Variants in GAPVD1 observed in about 807,000 individuals in gnomAD.
GAPVD1 encodes GTPase activating protein and VPS9 domains 1, also known as GTPase-activating protein and VPS9 domain-containing protein 1.
GAPVD1 carries 35 observed loss-of-function variants against 155.5 expected under a neutral mutation model. That is an observed-to-expected ratio of 0.23 (90% CI 0.17 to 0.30). The LOEUF (loss-of-function observed/expected upper bound fraction) is 0.30, where lower values mean the gene tolerates loss of function less well. Ranked by LOEUF, GAPVD1 falls within the 10% of genes least tolerant of loss-of-function variation. The probability of loss-of-function intolerance (pLI) is 1.00; values close to 1 mark genes in which losing one functional copy is unlikely to be tolerated. For missense variants in GAPVD1, 1,429 were observed against 1,775.7 expected (o/e 0.80, Z 3.51); for synonymous variants, 636 against 619.7 (o/e 1.03, Z -0.39).
intron 2 of GAPVD1, among the ~76,000 whole-genome samples, chr9:125,276,606 T>C (rs1047739028): frequency 6.6e-6 from 1 of 152,106 alleles, no homozygotes; most frequent in Non-Finnish European, 1.5e-5. Flanking sequence ...GGAGGATTGC[T>C]TGAGCCTGGG....
rs1851426096 is a variant in GAPVD1, at chr9:125,365,517, C to T, written c.*2771C>T. 1 of 151,974 alleles carries T rather than the reference C, an allele frequency of 6.6e-6. No homozygotes were observed. Among genetic ancestry groups the T allele is most frequent in the African/African-American group, 2.4e-5 (1 of 41,360 alleles). The allele number at this position is 151,974 out of a possible 1,614,324, so 9.4% of individuals were successfully genotyped here. ...ATGGAGAGAGAGTTGGCTCAGGTCCCCTGAAATCTTGTAGGATTAACTTCT... is the reference window on the plus strand; with the variant it reads ...ATGGAGAGAGAGTTGGCTCAGGTCCTCTGAAATCTTGTAGGATTAACTTCT... On this transcript the variant is annotated 3_prime_UTR_variant, in exon 28 of 28. Transcript: ENST00000297933.
intron 2 of GAPVD1, among the ~76,000 whole-genome samples, chr9:125,289,637 T>C (rs1271971735): frequency 3.3e-5 from 5 of 152,022 alleles, no homozygotes; most frequent in Admixed American, 3.3e-4. Flanking sequence ...TAGGGGAAGA[T>C]GAGGTCAGTT....
chr9:125,350,827 A>G lies in GAPVD1; in HGVS notation c.3524A>G (p.Asn1175Ser), dbSNP rs762515695. Reference sequence around the variant, plus strand: ...ATGCGCTGTGTGTGCCGTTTTGATAATAGGACTTGTAGGAAACTGCTGGCT... The same window carrying G: ...ATGCGCTGTGTGTGCCGTTTTGATAGTAGGACTTGTAGGAAACTGCTGGCT... ...ETMRCVCRFDNRTCRKLLASI... is the reference protein window; with the variant it reads ...ETMRCVCRFDSRTCRKLLASI... The change falls in exon 23 of 28, where the codon AAT (asparagine) becomes AGT (serine). Residue 1175 changes from asparagine to serine, a missense_variant. Physicochemically the swap from Asn to Ser is conservative, Grantham distance 46 (BLOSUM62 1). Transcript: ENST00000297933. The G allele has an allele frequency of 1.9e-6, 3 of 1,614,014 alleles. No individual in the cohort carries two copies. The highest frequency in any genetic ancestry group is 2.5e-6 in the Non-Finnish European group (3 of 1,179,864).
intron 19 of GAPVD1, 41 bp downstream of exon 19, chr9:125,342,340 A>G (rs1366960784): frequency 9.2e-7 from 1 of 1,083,786 alleles, no homozygotes; most frequent in Admixed American, 1.7e-5. Flanking sequence ...TCATTCCCAG[A>G]GCACATATTT....
In GAPVD1 at chr9:125,283,386, G is replaced by A. The variant is rs374714704; in HGVS notation, c.-149-12072G>A. ...TTATTTTTATTTTTTAGACAGGGTC[G>A]TGCTGTGTTGCCCAGGCTGAAGTGC... is the stretch of plus-strand genomic sequence containing the variant. On this transcript the variant is annotated intron_variant, in intron 2 of 27. Transcript: ENST00000297933. Among the ~76,000 whole-genome samples the A allele has an allele frequency of 1.3e-4, 19 of 151,552 alleles. 1 individual carries two copies. In the South Asian group the frequency reaches 3.1e-3, roughly 25 times the overall value.
intron 6 of GAPVD1, among the ~76,000 whole-genome samples, chr9:125,305,981 A>G (rs541883327): frequency 1.3e-5 from 2 of 152,222 alleles, no homozygotes; most frequent in Non-Finnish European, 1.5e-5. Flanking sequence ...AGTGTAGTTT[A>G]TAAGTTAACA....
At chr9:125,352,764 C>T (rs1275900404) in intron 23 of GAPVD1, among the ~76,000 whole-genome samples, 1 of 152,166 alleles carries the variant, frequency 6.6e-6, no homozygotes, top group South Asian at 2.1e-4. Context: ...TTTTCTATCG[C>T]ATTGTCAGGC....
chr9:125,295,702 G>T (rs1289208764), intron 3 of GAPVD1, 128 bp downstream of exon 3: 1 of 152,092 alleles, frequency 6.6e-6, no homozygotes, highest in African/African-American at 2.4e-5. Context: ...AAAGTGCTGG[G>T]ATTACAGGTA....
intron 5 of GAPVD1, chr9:125,303,857 CTG>C (rs1841357200): frequency 6.6e-6 from 1 of 151,332 alleles, no homozygotes; most frequent in South Asian, 2.1e-4. Context: ...TAGCAATTCA[CTG>C]TATAGAAATG....
chr9:125,354,859 G>C lies in GAPVD1; in HGVS notation c.3757+18G>C. On this transcript the variant is annotated intron_variant, in intron 24 of 27. Transcript: ENST00000297933. The stretch of plus-strand genomic sequence containing the variant: ...CATTCAAGGTAACTCAATACCTTTA[G>C]TTTAAGCATCTCTTCACCTGTAATA... 1.3e-6 allele frequency: 2 copies of C among 1,540,702 alleles called. No homozygotes were observed. The highest frequency in any genetic ancestry group is 4.5e-5 in the East Asian group (2 of 44,544).
chr9:125,319,406 A>G (rs1843940164), intron 9 of GAPVD1, among the ~76,000 whole-genome samples: 1 of 149,894 alleles, frequency 6.7e-6, no homozygotes, highest in East Asian at 2.0e-4. Context: ...TTTTATGTGT[A>G]TTTAATTTTT....
At chr9:125,341,307 G>A (rs1336847171) in intron 18 of GAPVD1, 43 bp downstream of exon 18, 1 of 965,032 alleles carries the variant, frequency 1.0e-6, no homozygotes, top group Non-Finnish European at 1.6e-6. Flanking sequence ...GCAATAAGAA[G>A]CAAAGCCCCA....
At chr9:125,353,201 T>C (rs1163827234) in intron 23 of GAPVD1, among the ~76,000 whole-genome samples, 1 of 152,168 alleles carries the variant, frequency 6.6e-6, no homozygotes. Context: ...ATACTCTAAA[T>C]CATCTTTCTC....
chr9:125,355,427 T>C (rs1319073075), intron 24 of GAPVD1, among the ~76,000 whole-genome samples: 1 of 152,180 alleles, frequency 6.6e-6, no homozygotes, highest in African/African-American at 2.4e-5. Context: ...TTATAACAAA[T>C]TCCTTGCACT....
rs138249060 is a variant in GAPVD1 at position 125,324,453 on chromosome 9, G to A, written c.1858+530G>A. On this transcript the variant is annotated intron_variant, in intron 11 of 27. Transcript: ENST00000297933. ...TGAAAATACAAAATTAGCCAGGGTG[G>A]TGGCACATGCCTGTAATCCCAGCTA... is the stretch of plus-strand genomic sequence containing the variant. Among the ~76,000 whole-genome samples, 764 of 152,262 alleles carry A rather than the reference G, an allele frequency of 5.0e-3. 9 individuals are homozygous for A. Among genetic ancestry groups the A allele is most frequent in the African/African-American group, 0.017 (717 of 41,566 alleles).
chr9:125,269,081 T>C (rs1345035083), intron 2 of GAPVD1, 97 bp downstream of exon 2: 2 of 152,062 alleles, frequency 1.3e-5, no homozygotes, highest in African/African-American at 4.8e-5. Flanking sequence ...ATCCTTTTTT[T>C]TTGAGACATA....
In GAPVD1 at chr9:125,299,330, C is replaced by T. The variant is rs116432202; in HGVS notation, c.185+224C>T. Among the ~76,000 whole-genome samples the T allele has an allele frequency of 6.0e-3, 906 of 152,268 alleles. 16 individuals carry two copies. Among genetic ancestry groups the T allele is most frequent in the African/African-American group, 0.02 (850 of 41,540 alleles). The stretch of plus-strand genomic sequence containing the variant: ...TAACTTAAGCATTGACATTTTATAT[C>T]ACACCAATTGGTTTTGTGTCTTTGT... On this transcript the variant is annotated intron_variant, in intron 4 of 27. Coordinates refer to ENST00000297933, the MANE Select transcript of GAPVD1 (RefSeq NM_001282680.3).
Position 125,312,446 on chromosome 9 carries a change from T to C in GAPVD1, c.1442-6T>C, listed in dbSNP as rs1342057254. The stretch of plus-strand genomic sequence containing the variant: ...CTAAATTATTTTATTTGAAATTTTT[T>C]ATTAGCAACTCGGAGCAGAAGCCGC... On this transcript the variant is annotated splice_polypyrimidine_tract_variant and splice_region_variant and intron_variant, in intron 8 of 27. Coordinates refer to ENST00000297933, the MANE Select transcript of GAPVD1 (RefSeq NM_001282680.3). 1.9e-6 allele frequency: 3 copies of C among 1,554,936 alleles called. No individual in the cohort carries two copies. In the Admixed American group the frequency reaches 6.2e-5, roughly 32 times the overall value.
chr9:125,296,907 G>A (rs1839980179), intron 3 of GAPVD1, among the ~76,000 whole-genome samples: 1 of 151,924 alleles, frequency 6.6e-6, no homozygotes, highest in African/African-American at 2.4e-5. Flanking sequence ...TGAGCCACCT[G>A]CCTTGGCCTC....
Sources: gnomAD v4.1 joint callset for allele counts (sites outside exome capture counted in the v4.1 genomes callset) on GRCh38, gnomAD v4.1.1 for gene constraint, MANE v1.5 for transcripts, NCBI Gene and HGNC (gene_info 2026-07-23, HGNC 2026-07-21) for gene names.